The following RB1CC1 variants were observed in gnomAD, a reference collection of about 807,000 sequenced individuals.
RB1CC1 encodes the protein RB1 inducible coiled-coil 1, also known as RB1-inducible coiled-coil protein 1.
RB1CC1 carries 46 observed loss-of-function variants against 177.5 expected under a neutral mutation model. The ratio of observed to expected loss-of-function variants is 0.26; its 90% CI spans 0.20 to 0.33. RB1CC1 has a LOEUF of 0.33. Among genes scored for constraint, RB1CC1 ranks in the 10% least tolerant of loss-of-function variants. The probability of loss-of-function intolerance (pLI) is 1.00; values close to 1 mark genes in which losing one functional copy is unlikely to be tolerated. For missense variants in RB1CC1, 1,703 were observed against 1,816.3 expected, an observed-to-expected ratio of 0.94 and a Z score of 1.13; for synonymous variants, 666 against 613.6, an observed-to-expected ratio of 1.09 and a Z score of -1.26.
intron 1 of RB1CC1, among the ~76,000 whole-genome samples, chr8:52,699,830 A>ATATAT (rs1475065809): frequency 7.5e-5 from 2 of 26,722 alleles, no homozygotes; most frequent in Non-Finnish European, 1.5e-4. Flanking sequence ...AAAAAAAAAA[A>ATATAT]ATATATATAT....
In RB1CC1 at chr8:52,666,990, A is replaced by G. The variant is rs143561679; in HGVS notation, c.1173+1031T>C. Among the ~76,000 whole-genome samples the G allele has an allele frequency of 2.1e-3, 319 of 152,330 alleles. 1 individual carries two copies. Among genetic ancestry groups the G allele is most frequent in the African/African-American group, 6.3e-3 (260 of 41,582 alleles). On this transcript the variant is annotated intron_variant, in intron 8 of 23. Transcript: ENST00000025008. ...CTGACTCAGATTTTTCCCAAATGGT[A>G]TAAGTCATTAAACCACAGATTCAAG...
chr8:52,642,856 A>G, intron 16 of RB1CC1, 44 bp from the exon 17 acceptor site: 2 of 1,453,386 alleles, frequency 1.4e-6, no homozygotes, highest in Non-Finnish European at 9.0e-7. Flanking sequence ...ACATGTACTT[A>G]GCAGCTAGGA....
chr8:52,680,995 T>TG (rs371708265), intron 5 of RB1CC1, among the ~76,000 whole-genome samples: 31,346 of 80,044 alleles, frequency 0.39, 3,791 homozygotes, highest in Non-Finnish European at 0.44. Flanking sequence ...TGTGTGTGTG[T>TG]TTTTTTTTTT....
chr8:52,690,315 T>C (rs1854716167), intron 1 of RB1CC1, among the ~76,000 whole-genome samples: 1 of 152,224 alleles, frequency 6.6e-6, no homozygotes, highest in Non-Finnish European at 1.5e-5. Context: ...CATTCATTCA[T>C]TCATCCAAAT....
At chr8:52,638,147 T>G (rs1051363683) in intron 18 of RB1CC1, among the ~76,000 whole-genome samples, 9 of 152,174 alleles carry the variant, frequency 5.9e-5, no homozygotes, top group Non-Finnish European at 1.3e-4. Context: ...TTTCAATAGG[T>G]TGAGGAAGTC....
chr8:52,693,118 T>C (rs1855055996), intron 1 of RB1CC1, among the ~76,000 whole-genome samples: 1 of 152,030 alleles, frequency 6.6e-6, no homozygotes, highest in Admixed American at 6.6e-5. Flanking sequence ...CATACAAAAA[T>C]CAACTCAAGA....
At chr8:52,698,613 G>C (rs1035919231) in intron 1 of RB1CC1, among the ~76,000 whole-genome samples, 3 of 146,516 alleles carry the variant, frequency 2.0e-5, no homozygotes, top group Non-Finnish European at 4.5e-5. Context: ...CGCCTGGCCA[G>C]AGAATAACTT....
chr8:52,691,452 T>C (rs1854850089), intron 1 of RB1CC1, among the ~76,000 whole-genome samples: 1 of 152,210 alleles, frequency 6.6e-6, no homozygotes, highest in Non-Finnish European at 1.5e-5. Context: ...TTTGTCTACA[T>C]ACTTGATGAA....
At chr8:52,665,761 G>A (rs1048903960) in intron 8 of RB1CC1, among the ~76,000 whole-genome samples, 1 of 152,072 alleles carries the variant, frequency 6.6e-6, no homozygotes, top group Admixed American at 6.6e-5. Context: ...GGAGAAGAAC[G>A]AAACCAAGAG....
intron 15 of RB1CC1, among the ~76,000 whole-genome samples, chr8:52,652,327 G>A (rs1474878422): frequency 1.3e-5 from 2 of 151,920 alleles, no homozygotes; most frequent in Admixed American, 6.6e-5. Context: ...TTAGCTGGGC[G>A]TGGTGTCACG....
intron 7 of RB1CC1, among the ~76,000 whole-genome samples, chr8:52,669,218 C>T (rs535838545): frequency 1.3e-5 from 2 of 152,188 alleles, no homozygotes; most frequent in African/African-American, 4.8e-5. Flanking sequence ...CAGATAATAT[C>T]CAATAAATGT....
intron 1 of RB1CC1, among the ~76,000 whole-genome samples, chr8:52,705,100 T>C (rs1856434653): frequency 6.6e-6 from 1 of 152,186 alleles, no homozygotes; most frequent in Non-Finnish European, 1.5e-5. Context: ...TGAGACTTCG[T>C]AGGACAGAAC....
At chr8:52,699,097 G>A (rs2150678939) in intron 1 of RB1CC1, among the ~76,000 whole-genome samples, 1 of 152,246 alleles carries the variant, frequency 6.6e-6, no homozygotes, top group East Asian at 1.9e-4. Flanking sequence ...TGTAGGTACT[G>A]AATTGGTAAT....
At chr8:52,679,965 C>T (rs1443415479) in intron 5 of RB1CC1, among the ~76,000 whole-genome samples, 2 of 152,084 alleles carry the variant, frequency 1.3e-5, no homozygotes, top group Non-Finnish European at 2.9e-5. Context: ...CTCTCTTACA[C>T]ATATAGATTC....
intron 7 of RB1CC1, among the ~76,000 whole-genome samples, chr8:52,672,163 T>C (rs1398517590): frequency 2.0e-5 from 3 of 152,140 alleles, no homozygotes; most frequent in Non-Finnish European, 4.4e-5. Context: ...CATTCATTAT[T>C]TAGAGATAGA....
intron 15 of RB1CC1, among the ~76,000 whole-genome samples, chr8:52,651,269 G>GAAAATGAGATGGC (rs1850549497): frequency 1.3e-5 from 2 of 152,166 alleles, no homozygotes; most frequent in Admixed American, 1.3e-4. Flanking sequence ...AACATTAAAT[G>GAAAATGAGATGGC]AAAATGAGAT....
intron 4 of RB1CC1, 76 bp from the exon 5 acceptor site, chr8:52,683,795 A>G: frequency 6.4e-7 from 1 of 1,564,374 alleles, no homozygotes; most frequent in African/African-American, 1.4e-5. Context: ...CCTTCAATAT[A>G]TGAAGCAAAT....
chr8:52,645,928 A>G, intron 15 of RB1CC1, 61 bp from the exon 16 acceptor site: 1 of 1,463,746 alleles, frequency 6.8e-7, no homozygotes, highest in Non-Finnish European at 9.3e-7. Flanking sequence ...AATATACCAA[A>G]TATCATATTT....
intron 15 of RB1CC1, among the ~76,000 whole-genome samples, chr8:52,647,522 A>G (rs1354110366): frequency 6.6e-6 from 1 of 152,204 alleles, no homozygotes; most frequent in African/African-American, 2.4e-5. Context: ...TAAGGAACAC[A>G]AAGAGACTTA....
Sources: gnomAD v4.1 joint callset for allele counts (sites outside exome capture counted in the v4.1 genomes callset) on GRCh38, gnomAD v4.1.1 for gene constraint, MANE v1.5 for transcripts, NCBI Gene and HGNC (gene_info 2026-07-23, HGNC 2026-07-21) for gene names.